Variants in RBFOX3 observed in about 807,000 individuals in gnomAD.
RBFOX3 encodes RNA binding fox-1 homolog 3.
Under a neutral mutation model 48.7 loss-of-function variants are expected in RBFOX3, and 17 were observed. The ratio of observed to expected loss-of-function variants is 0.35; its 90% CI spans 0.24 to 0.52. The LOEUF is 0.52. RBFOX3 is among the 20% of genes least tolerant of loss of function. The pLI is 0.94. For missense variants in RBFOX3, 382 were observed against 497.5 expected (o/e 0.77, Z 2.21); for synonymous variants, 212 against 209.5 (o/e 1.01, Z -0.10).
intron 3 of RBFOX3, among the ~76,000 whole-genome samples, chr17:79,260,973 C>A (rs1430454923): frequency 6.6e-6 from 1 of 152,146 alleles, no homozygotes; most frequent in African/African-American, 2.4e-5. Context: ...CTCTCCCCTA[C>A]CATCCATGTG....
intron 1 of RBFOX3, among the ~76,000 whole-genome samples, chr17:79,574,827 C>G (rs938516434): frequency 6.6e-6 from 1 of 152,226 alleles, no homozygotes. Flanking sequence ...CAGGGTCCAG[C>G]CTCCCAGGTG....
At chr17:79,190,414 C>CAAAAAAAAAAAAA (rs71161650) in intron 4 of RBFOX3, among the ~76,000 whole-genome samples, 4 of 93,528 alleles carry the variant, frequency 4.3e-5, no homozygotes, top group African/African-American at 8.1e-5. Flanking sequence ...TCTGTCTCAC[C>CAAAAAAAAAAAAA]AAAAAAAAAA....
chr17:79,415,863 G>T (rs1231279960), intron 2 of RBFOX3, among the ~76,000 whole-genome samples: 2 of 152,122 alleles, frequency 1.3e-5, no homozygotes, highest in Non-Finnish European at 2.9e-5. Context: ...GACTGCAGGG[G>T]TCTCTGAGCA....
chr17:79,497,823 G>A (rs1000776010), intron 1 of RBFOX3, among the ~76,000 whole-genome samples: 1 of 152,222 alleles, frequency 6.6e-6, no homozygotes, highest in Non-Finnish European at 1.5e-5. Context: ...CACCCCAGCA[G>A]GGACTAAGCC....
chr17:79,140,627 G>A lies in RBFOX3; in HGVS notation c.-33-24879C>T, dbSNP rs116980869. Among the ~76,000 whole-genome samples the A allele has an allele frequency of 2.8e-3, 434 of 152,376 alleles. 5 individuals carry two copies. Among genetic ancestry groups the A allele is most frequent in the Non-Finnish European group, 3.2e-3 (220 of 68,040 alleles). On this transcript the variant is annotated intron_variant, in intron 4 of 14. Coordinates refer to ENST00000693108, the MANE Select transcript of RBFOX3 (RefSeq NM_001350451.2). ...GTCCCACAGCTCGGAAGCACAGCAT[G>A]ACAGACCAACCCAGGCGTGTGCCAC...
At chr17:79,380,966 A>G (rs1414214845) in intron 2 of RBFOX3, among the ~76,000 whole-genome samples, 1 of 152,226 alleles carries the variant, frequency 6.6e-6, no homozygotes, top group Non-Finnish European at 1.5e-5. Flanking sequence ...AGTCACATTA[A>G]GAAGGTAAAA....
the RBFOX3 span, among the ~76,000 whole-genome samples, chr17:79,624,582 G>A: frequency 3.3e-5 from 5 of 152,132 alleles, no homozygotes; most frequent in Non-Finnish European, 7.4e-5. Flanking sequence ...AGAGCCGAGC[G>A]AAGGGAGCAG....
chr17:79,180,812 C>G (rs551275416), intron 4 of RBFOX3, among the ~76,000 whole-genome samples: 1 of 151,710 alleles, frequency 6.6e-6, no homozygotes, highest in Admixed American at 6.6e-5. Flanking sequence ...AGAACAGCCG[C>G]GGGCGAGGGA....
chr17:79,474,961 C>A (rs981970982), intron 2 of RBFOX3, among the ~76,000 whole-genome samples: 1 of 152,186 alleles, frequency 6.6e-6, no homozygotes, highest in Non-Finnish European at 1.5e-5. Flanking sequence ...CTCACAGGCT[C>A]CCCTCTCCTG....
At chr17:79,485,110 T>C (rs35195546) in intron 1 of RBFOX3, among the ~76,000 whole-genome samples, 70,371 of 151,898 alleles carry the variant, frequency 0.46, 17,176 homozygotes, top group South Asian at 0.58. Flanking sequence ...AAGCAGAGGC[T>C]GCCCAGGGCC....
intron 2 of RBFOX3, among the ~76,000 whole-genome samples, chr17:79,419,929 C>T (rs1192209790): frequency 6.6e-6 from 1 of 152,156 alleles, no homozygotes; most frequent in African/African-American, 2.4e-5. Context: ...AAGTTTGAGA[C>T]CAGCTTGGGC....
At position 79,380,984 on chromosome 17, in the gene RBFOX3, A is replaced by G. The variant is rs1383211707; in HGVS notation, c.-174-73160T>C. Among the ~76,000 whole-genome samples, 7 of 152,334 alleles carry G rather than the reference A, an allele frequency of 4.6e-5. No individual in the cohort carries two copies. In the East Asian group the frequency reaches 5.8e-4, roughly 13 times the overall value. On this transcript the variant is annotated intron_variant, in intron 2 of 14. Coordinates refer to ENST00000693108, the MANE Select transcript of RBFOX3 (RefSeq NM_001350451.2). ...CACATTAAGAAGGTAAAAAGAGGCC[A>G]GGTGCAGTGGCTCATGCCTGTAATC... is the stretch of plus-strand genomic sequence containing the variant.
At position 79,481,804 on chromosome 17, in the gene RBFOX3, T is replaced by C. The variant is rs1451834202; in HGVS notation, c.-175+650A>G. On this transcript the variant is annotated intron_variant, in intron 2 of 14. Coordinates refer to ENST00000693108, the MANE Select transcript of RBFOX3 (RefSeq NM_001350451.2). This position sits in a 1 kb window ranked among gnomAD's most constrained non-coding sequence, Gnocchi z 5.4. ...TTTTTGTTGCTGTCGTTCTGTGAACTGTAGCAAATTATCAAAACTGAGGGG... is the reference window on the plus strand; with the variant it reads ...TTTTTGTTGCTGTCGTTCTGTGAACCGTAGCAAATTATCAAAACTGAGGGG... Among the ~76,000 whole-genome samples the C allele has an allele frequency of 6.6e-6, 1 of 152,228 alleles. No individual in the cohort carries two copies. Among genetic ancestry groups the C allele is most frequent in the East Asian group, 1.9e-4 (1 of 5,202 alleles).
intron 3 of RBFOX3, among the ~76,000 whole-genome samples, chr17:79,292,560 C>A (rs1467117143): frequency 3.3e-5 from 5 of 149,782 alleles, no homozygotes. Context: ...TTACAGTTGG[C>A]ACTGTACACA....
chr17:79,602,018 T>C (rs1471872187), intron 1 of RBFOX3: 2 of 152,170 alleles, frequency 1.3e-5, no homozygotes, highest in African/African-American at 2.4e-5. Context: ...GGGATGCCGA[T>C]AGAGTTAAAA....
At chr17:79,576,798 A>G (rs2092878377) in intron 1 of RBFOX3, among the ~76,000 whole-genome samples, 1 of 152,122 alleles carries the variant, frequency 6.6e-6, no homozygotes, top group African/African-American at 2.4e-5. Context: ...AATGATGGAG[A>G]TCATGGAGAA....
At chr17:79,176,528 G>C (rs183214571) in intron 4 of RBFOX3, among the ~76,000 whole-genome samples, 2 of 152,350 alleles carry the variant, frequency 1.3e-5, no homozygotes, top group African/African-American at 2.4e-5. Flanking sequence ...GAAACCAATG[G>C]CCATATTCCA....
At chr17:79,386,163 C>T (rs2060536262) in intron 2 of RBFOX3, among the ~76,000 whole-genome samples, 1 of 150,462 alleles carries the variant, frequency 6.6e-6, no homozygotes, top group Non-Finnish European at 1.5e-5. Context: ...CAGACATGAG[C>T]TCCATCACCT....
chr17:79,230,506 G>A lies in RBFOX3; in HGVS notation c.-34+5260C>T, dbSNP rs370056472. Among the ~76,000 whole-genome samples the A allele has an allele frequency of 1.5e-4, 23 of 151,992 alleles. 1 individual carries two copies. The East Asian group carries it at 3.3e-3, about 22-fold the overall frequency. On this transcript the variant is annotated intron_variant, in intron 4 of 14. Coordinates refer to ENST00000693108, the MANE Select transcript of RBFOX3 (RefSeq NM_001350451.2). The stretch of plus-strand genomic sequence containing the variant: ...GATCTGCTGACCTCGTGATCCGCCC[G>A]CCTCGGCCTCCCAAAGTGCTGGGAT...
Sources: gnomAD v4.1 joint callset for allele counts (sites outside exome capture counted in the v4.1 genomes callset) on GRCh38, gnomAD v4.1.1 for gene constraint, Gnocchi (gnomAD v3.1) non-coding constraint, MANE v1.5 for transcripts, NCBI Gene and HGNC (gene_info 2026-07-23, HGNC 2026-07-21) for gene names.